The following CROT variants were observed in gnomAD, a reference collection of about 807,000 sequenced individuals.
CROT encodes peroxisomal carnitine O-octanoyltransferase.
In CROT, 84 loss-of-function variants were observed where a neutral mutation model predicts 89.2. That is an observed-to-expected ratio of 0.94 (90% CI 0.79 to 1.13). The LOEUF is 1.13. Ranked by LOEUF, CROT falls within the 50% of genes most tolerant of loss-of-function variation. The pLI is 0.00. For missense variants in CROT, 711 were observed against 727.8 expected (o/e 0.98, Z 0.27); for synonymous variants, 212 against 239.5 (o/e 0.89, Z 1.06).
rs1286961069 is a variant in CROT at position 87,345,749 on chromosome 7, G to C, written c.-131G>C. ...GGCTGCGGCAGAGGCGGCGAGGCGCGGGCGGTGAGGACGGACAGGTCCGTT... is the reference window on the plus strand; with the variant it reads ...GGCTGCGGCAGAGGCGGCGAGGCGCCGGCGGTGAGGACGGACAGGTCCGTT... On this transcript the variant is annotated 5_prime_UTR_variant, in exon 1 of 18. Transcript: ENST00000331536. 1 of 324,794 alleles carries C rather than the reference G, an allele frequency of 3.1e-6. No homozygotes were observed. The highest frequency in any genetic ancestry group is 2.1e-5 in the African/African-American group (1 of 47,280). 20.1% of individuals were successfully genotyped at this position (324,794 alleles called of 1,614,324 possible).
chr7:87,348,008 T>C (rs1805745699), intron 2 of CROT, among the ~76,000 whole-genome samples: 1 of 152,202 alleles, frequency 6.6e-6, no homozygotes, highest in Non-Finnish European at 1.5e-5. Flanking sequence ...AAACAGGTAT[T>C]AGCTGAAAAT....
At position 87,361,384 on chromosome 7, in the gene CROT, T is replaced by A. The variant is rs766069576; in HGVS notation, c.241-6T>A. Reference sequence around the variant, plus strand: ...ACATTAAGCTGATGTTCTCAATTTCTTTTAGCTGGAAGAGTGGTGGCTGAA... The same window carrying A: ...ACATTAAGCTGATGTTCTCAATTTCATTTAGCTGGAAGAGTGGTGGCTGAA... On this transcript the variant is annotated splice_polypyrimidine_tract_variant and splice_region_variant and intron_variant, in intron 4 of 17. Coordinates refer to ENST00000331536, the MANE Select transcript of CROT (RefSeq NM_021151.4). 4.3e-6 allele frequency: 7 copies of A among 1,611,378 alleles called. No homozygotes were observed. In the South Asian group the frequency reaches 7.7e-5, roughly 18 times the overall value.
rs1807019777 is a variant in CROT, at chr7:87,381,912, T to C, written c.981T>C (p.His327=). ...AATCTTGTGTGTTCTCATTTTAGCA[T>C]GCTCCTTTTGATGCAATGATTATGG... ...SNGVFGCNCD[H]APFDAMIMVN... The change falls in exon 11 of 18, where the codon CAT becomes CAC. Residue 327 remains histidine, a splice_region_variant and synonymous_variant. Transcript: ENST00000331536. 2 of 1,600,196 alleles carry C rather than the reference T, an allele frequency of 1.2e-6. No individual in the cohort carries two copies. The highest frequency in any genetic ancestry group is 1.1e-5 in the South Asian group (1 of 87,566).
In CROT at chr7:87,375,925, C is replaced by G. The variant is rs144536594; in HGVS notation, c.848C>G (p.Pro283Arg). The change falls in exon 9 of 18, where the codon CCA (proline) becomes CGA (arginine). Residue 283 changes from proline to arginine, a missense_variant. Coordinates refer to ENST00000331536, the MANE Select transcript of CROT (RefSeq NM_021151.4). ...GTATATTCCATGGAGGATAGCAGTC[C>G]ACATGTAACACCAGAGGATTATTCT... ...LLVYSMEDSS[P>R]HVTPEDYSEI... 1 of 1,611,418 alleles carries G rather than the reference C, an allele frequency of 6.2e-7. No individual in the cohort carries two copies. The highest frequency in any genetic ancestry group is 1.7e-5 in the Admixed American group (1 of 59,696).
intron 3 of CROT, among the ~76,000 whole-genome samples, chr7:87,358,481 C>CAAAAAAA (rs11405316): frequency 3.3e-4 from 31 of 95,322 alleles, no homozygotes; most frequent in Admixed American, 5.3e-4. Flanking sequence ...GACTCCATCT[C>CAAAAAAA]AAAAAAAAAA....
At chr7:87,363,708 C>T (rs973181705) in intron 6 of CROT, among the ~76,000 whole-genome samples, 3 of 152,082 alleles carry the variant, frequency 2.0e-5, no homozygotes, top group Non-Finnish European at 2.9e-5. Context: ...AATGATGTGA[C>T]CAGATTTATG....
At chr7:87,377,496 A>T in intron 10 of CROT, 46 bp downstream of exon 10, 1 of 1,082,710 alleles carries the variant, frequency 9.2e-7, no homozygotes, top group Non-Finnish European at 1.4e-6. Flanking sequence ...TTTAGGTTAA[A>T]TTAATGACAA....
intron 6 of CROT, among the ~76,000 whole-genome samples, chr7:87,366,632 C>G (rs1806458181): frequency 1.3e-5 from 2 of 152,188 alleles, no homozygotes; most frequent in South Asian, 4.1e-4. Context: ...AATGATGCTA[C>G]TGCTCTCTTC....
rs771115486 is a variant in CROT at position 87,391,650 on chromosome 7, A to G, written c.1363A>G (p.Met455Val). 6.2e-7 allele frequency: 1 copy of G among 1,611,928 alleles called. No individual in the cohort carries two copies. The change falls in exon 14 of 18, where the codon ATG becomes GTG. Residue 455 changes from methionine to valine, a missense_variant. Transcript: ENST00000331536. ...TTTTTATCATGGCCGTACAGAGACT[A>G]TGCGATCATGCACAGTTGAAGCAGT... Reference protein sequence around the residue: ...RHFYHGRTETMRSCTVEAVRW... With the variant: ...RHFYHGRTETVRSCTVEAVRW...
At chr7:87,378,341 G>A (rs1420471462) in intron 10 of CROT, among the ~76,000 whole-genome samples, 2 of 70,050 alleles carry the variant, frequency 2.9e-5, no homozygotes, top group East Asian at 7.9e-4. Context: ...CTGAGACTCC[G>A]ACTCCAAAAA....
chr7:87,398,861 A>G lies in CROT; in HGVS notation c.*217A>G, dbSNP rs1305706579. On this transcript the variant is annotated 3_prime_UTR_variant, in exon 18 of 18. Coordinates refer to ENST00000331536, the MANE Select transcript of CROT (RefSeq NM_021151.4). ...TTTTAAGCTCCTCTGATGCAGCAGC[A>G]ATGCAAATTATGACATAGTGAATAT... is the stretch of plus-strand genomic sequence containing the variant. The G allele has an allele frequency of 3.8e-6, 2 of 531,614 alleles. No homozygotes were observed. The highest frequency in any genetic ancestry group is 6.6e-5 in the East Asian group (2 of 30,190). 32.9% of individuals were successfully genotyped at this position (531,614 alleles called of 1,614,324 possible).
chr7:87,390,321 A>G (rs912908452), intron 13 of CROT, among the ~76,000 whole-genome samples: 18 of 152,282 alleles, frequency 1.2e-4, no homozygotes, highest in African/African-American at 4.3e-4. Flanking sequence ...TTTTTTACCT[A>G]ACGTTTCAGT....
At position 87,378,962 on chromosome 7, in the gene CROT, T is replaced by G. The variant is rs78633567; in HGVS notation, c.978+1512T>G. Among the ~76,000 whole-genome samples the G allele has an allele frequency of 8.5e-5, 13 of 152,364 alleles. No individual in the cohort carries two copies. In the East Asian group the frequency reaches 2.5e-3, roughly 29 times the overall value. ...AAAAGTTGCCACAAGTCATTTATTT[T>G]GAAGATGTTCTCTTTACTCTTCCTT... is the stretch of plus-strand genomic sequence containing the variant. On this transcript the variant is annotated intron_variant, in intron 10 of 17. Transcript: ENST00000331536.
At chr7:87,355,141 C>T (rs1052536673) in intron 3 of CROT, among the ~76,000 whole-genome samples, 5 of 151,908 alleles carry the variant, frequency 3.3e-5, no homozygotes, top group Non-Finnish European at 5.9e-5. Flanking sequence ...GCTCTCTTGC[C>T]CAGGCTAGAG....
Position 87,349,177 on chromosome 7 carries a change from G to GT in CROT, c.109_110insT (p.Glu37ValfsTer13). 1 of 1,491,990 alleles carries GT rather than the reference G, an allele frequency of 6.7e-7. No individual in the cohort carries two copies. The highest frequency in any genetic ancestry group is 1.7e-5 in the Admixed American group (1 of 57,748). The allele number at this position is 1,491,990 out of a possible 1,614,324, so 92.4% of individuals were successfully genotyped here. ...TGAAGAATCATTAAAAAAATACCTT[G>GT]AATCAGGTATGTTAATAATCTTTTA... On this transcript the variant is annotated frameshift_variant, in exon 3 of 18. Transcript: ENST00000331536. LOFTEE classifies it high-confidence loss of function.
At chr7:87,390,980 T>TCATG (rs1393126905) in intron 13 of CROT, among the ~76,000 whole-genome samples, 1 of 152,228 alleles carries the variant, frequency 6.6e-6, no homozygotes, top group Non-Finnish European at 1.5e-5. Context: ...TAAAGGTTTT[T>TCATG]CATGAGGTTG....
At chr7:87,353,440 C>T (rs369477600) in intron 3 of CROT, among the ~76,000 whole-genome samples, 15 of 152,138 alleles carry the variant, frequency 9.9e-5, no homozygotes, top group South Asian at 2.1e-4. Flanking sequence ...TGAGCCACTA[C>T]GCCTGGCCCT....
chr7:87,379,314 T>C (rs1465588959), intron 10 of CROT, among the ~76,000 whole-genome samples: 1 of 152,246 alleles, frequency 6.6e-6, no homozygotes. Flanking sequence ...CCTATTGTTA[T>C]ATATGTAACT....
intron 13 of CROT, among the ~76,000 whole-genome samples, chr7:87,387,842 C>T (rs1160420059): frequency 6.6e-6 from 1 of 152,136 alleles, no homozygotes; most frequent in Admixed American, 6.5e-5. Flanking sequence ...ATTCCAGCTA[C>T]TCAGGAGGCT....
Sources: gnomAD v4.1 joint callset for allele counts (sites outside exome capture counted in the v4.1 genomes callset) on GRCh38, gnomAD v4.1.1 for gene constraint, MANE v1.5 for transcripts, NCBI Gene and HGNC (gene_info 2026-07-23, HGNC 2026-07-21) for gene names.